Variants in ZNF521 observed in about 807,000 individuals in gnomAD.
ZNF521 encodes the protein zinc finger protein 521.
Under a neutral mutation model 105.5 loss-of-function variants are expected in ZNF521, and 14 were observed. That is an observed-to-expected ratio of 0.13 (90% confidence interval 0.09 to 0.21). The LOEUF is 0.21. Ranked by LOEUF, ZNF521 falls within the 10% of genes least tolerant of loss-of-function variation. The probability of loss-of-function intolerance (pLI) is 1.00; values close to 1 mark genes in which losing one functional copy is unlikely to be tolerated. For missense variants in ZNF521, 1,233 were observed against 1,629.7 expected (o/e 0.76, Z 4.19); for synonymous variants, 635 against 606.0 (o/e 1.05, Z -0.70).
At chr18:25,317,897 G>T (rs988010589) in intron 3 of ZNF521, among the ~76,000 whole-genome samples, 1 of 152,088 alleles carries the variant, frequency 6.6e-6, no homozygotes, top group Non-Finnish European at 1.5e-5. Flanking sequence ...TTGAAAAAGG[G>T]TTTGGAAGTT....
chr18:25,128,950 A>G (rs1325172592), intron 5 of ZNF521, among the ~76,000 whole-genome samples: 1 of 152,018 alleles, frequency 6.6e-6, no homozygotes, highest in African/African-American at 2.4e-5. Flanking sequence ...ATTGACAAAA[A>G]GATTCTATAG....
In ZNF521 at chr18:25,225,802, C is replaced by A. The variant is rs763699539; in HGVS notation, c.2116G>T (p.Val706Leu). The A allele has an allele frequency of 6.2e-7, 1 of 1,614,110 alleles. No homozygotes were observed. The highest frequency in any genetic ancestry group is 1.3e-5 in the African/African-American group (1 of 74,934). Residue 706 changes from valine (V) to leucine (L), a missense_variant, in exon 4 of 8, where the codon GTG (valine) becomes TTG (leucine). Coordinates refer to ENST00000361524, the MANE Select transcript of ZNF521 (RefSeq NM_015461.3). The surrounding 1 kb of genome is among the most constrained non-coding windows in gnomAD (Gnocchi z 5.6). Reference sequence around the variant, plus strand: ...AGCAGGTGTTTCTGAAGGTCATCCACTGATGTGAATTGCTTGTCACAACTC... The same window carrying A: ...AGCAGGTGTTTCTGAAGGTCATCCAATGATGTGAATTGCTTGTCACAACTC... The part of the protein sequence containing the change: ...CESCDKQFTS[V>L]DDLQKHLLDM...
chr18:25,107,743 G>A (rs182144219), intron 5 of ZNF521, among the ~76,000 whole-genome samples: 275 of 152,288 alleles, frequency 1.8e-3, no homozygotes, highest in Admixed American at 3.4e-3. Flanking sequence ...AAACTGATCT[G>A]CCTGCAAGCA....
intron 3 of ZNF521, among the ~76,000 whole-genome samples, chr18:25,292,642 C>T (rs1467823106): frequency 2.0e-5 from 3 of 152,062 alleles, no homozygotes; most frequent in Non-Finnish European, 4.4e-5. Flanking sequence ...TAGTGGAAAG[C>T]AAAACGTTAT....
chr18:25,310,268 A>C (rs1046983133), intron 3 of ZNF521, among the ~76,000 whole-genome samples: 3 of 152,190 alleles, frequency 2.0e-5, no homozygotes, highest in Non-Finnish European at 4.4e-5. Context: ...GTACATGCCT[A>C]CTATACACAT....
intron 3 of ZNF521, among the ~76,000 whole-genome samples, chr18:25,319,450 G>T (rs144983458): frequency 6.6e-6 from 1 of 152,060 alleles, no homozygotes; most frequent in South Asian, 2.1e-4. Context: ...CAAAAAGTTA[G>T]CTGGGCATGG....
chr18:25,179,164 T>G (rs71368640), intron 5 of ZNF521, among the ~76,000 whole-genome samples: 2 of 121,876 alleles, frequency 1.6e-5, no homozygotes, highest in South Asian at 3.1e-4. Flanking sequence ...TTTTTGGTGG[T>G]GGTGGCAGGG....
chr18:25,186,507 A>G (rs2035724185), intron 5 of ZNF521, among the ~76,000 whole-genome samples: 1 of 152,222 alleles, frequency 6.6e-6, no homozygotes, highest in South Asian at 2.1e-4. Flanking sequence ...GCTTGAATTA[A>G]TTCTTTACAG....
rs897395081 is a variant in ZNF521, at chr18:25,268,148, A to G, written c.221-40451T>C. 2.0e-5 allele frequency among the ~76,000 whole-genome samples: 3 copies of G among 152,358 alleles called. No individual in the cohort carries two copies. The East Asian group carries it at 5.8e-4, about 29-fold the overall frequency. The stretch of plus-strand genomic sequence containing the variant: ...CTTCCTGCAGCATGTACAAGTATCA[A>G]TAGCCAACTTGATTAAGCAGAGGAA... On this transcript the variant is annotated intron_variant, in intron 3 of 7. Coordinates refer to ENST00000361524, the MANE Select transcript of ZNF521 (RefSeq NM_015461.3).
At position 25,225,467 on chromosome 18, in the gene ZNF521, G is replaced by A; in HGVS notation, c.2451C>T (p.Ala817=). ...TTTCTAACAAAATGATCGCATGGAA[G>A]GCTTTGCTACAGAACTTGCAGTTGT... is the stretch of plus-strand genomic sequence containing the variant. ...KKYNCKFCSK[A]FHAIILLEKH... Residue 817 remains alanine (A), a synonymous_variant, in exon 4 of 8, where the codon GCC becomes GCT. Coordinates refer to ENST00000361524, the MANE Select transcript of ZNF521 (RefSeq NM_015461.3). This position sits in a 1 kb window ranked among gnomAD's most constrained non-coding sequence, Gnocchi z 5.6. The A allele has an allele frequency of 6.2e-7, 1 of 1,614,194 alleles. No homozygotes were observed. The highest frequency in any genetic ancestry group is 1.1e-5 in the South Asian group (1 of 91,088).
At chr18:25,254,375 A>G (rs935869624) in intron 3 of ZNF521, among the ~76,000 whole-genome samples, 2 of 152,166 alleles carry the variant, frequency 1.3e-5, no homozygotes, top group African/African-American at 4.8e-5. Context: ...GGTAGAAAAA[A>G]TGTTCCCTAG....
chr18:25,244,870 C>T (rs371914862), intron 3 of ZNF521, among the ~76,000 whole-genome samples: 3 of 152,176 alleles, frequency 2.0e-5, no homozygotes, highest in African/African-American at 7.2e-5. Flanking sequence ...ATTCTGTGGC[C>T]CTGTTCTACC....
chr18:25,119,165 T>C (rs1329398345), intron 5 of ZNF521, among the ~76,000 whole-genome samples: 1 of 152,152 alleles, frequency 6.6e-6, no homozygotes, highest in African/African-American at 2.4e-5. Context: ...ATTATGGATA[T>C]TTGAACGTCT....
At chr18:25,089,034 C>T (rs891838178) in intron 7 of ZNF521, among the ~76,000 whole-genome samples, 3 of 152,180 alleles carry the variant, frequency 2.0e-5, no homozygotes, top group Admixed American at 1.3e-4. Context: ...GACAAGAGTA[C>T]GATTTCTTTC....
At chr18:25,239,193 T>C (rs1600197301) in intron 3 of ZNF521, among the ~76,000 whole-genome samples, 4 of 152,328 alleles carry the variant, frequency 2.6e-5, no homozygotes, top group Admixed American at 2.6e-4. Context: ...TAGGACTCCA[T>C]ATTTCAAATC....
At chr18:25,208,901 T>C (rs2036128622) in intron 4 of ZNF521, among the ~76,000 whole-genome samples, 1 of 152,208 alleles carries the variant, frequency 6.6e-6, no homozygotes, top group Non-Finnish European at 1.5e-5. Flanking sequence ...TTGCTTGGAC[T>C]GTATCAATAG....
At position 25,063,030 on chromosome 18, in the gene ZNF521, C is replaced by G. The variant is rs138058454; in HGVS notation, c.3907-289G>C. On this transcript the variant is annotated intron_variant, in intron 7 of 7. Coordinates refer to ENST00000361524, the MANE Select transcript of ZNF521 (RefSeq NM_015461.3). ...TGGAAGGAGAGGCCAGGGCAGAAGCCTCCTTAATGTGAGATGGCTGGCTGG... is the reference window on the plus strand; with the variant it reads ...TGGAAGGAGAGGCCAGGGCAGAAGCGTCCTTAATGTGAGATGGCTGGCTGG... 3.9e-3 allele frequency among the ~76,000 whole-genome samples: 593 copies of G among 152,280 alleles called. 3 individuals are homozygous for G. The highest frequency in any genetic ancestry group is 0.013 in the African/African-American group (551 of 41,568).
chr18:25,132,240 C>A (rs2034653989), intron 5 of ZNF521, among the ~76,000 whole-genome samples: 1 of 152,188 alleles, frequency 6.6e-6, no homozygotes, highest in Non-Finnish European at 1.5e-5. Flanking sequence ...TGCTCCTCAA[C>A]AAAGAATCCT....
chr18:25,278,500 A>G (rs1443480065), intron 3 of ZNF521, among the ~76,000 whole-genome samples: 1 of 152,188 alleles, frequency 6.6e-6, no homozygotes. Context: ...TGCCTCGAAC[A>G]GCCGCCACTC....
Sources: allele counts gnomAD v4.1 joint callset (sites outside exome capture counted in the v4.1 genomes callset), GRCh38; gene constraint gnomAD v4.1.1; non-coding constraint Gnocchi (gnomAD v3.1); transcripts MANE v1.5; gene names NCBI Gene and HGNC (gene_info 2026-07-23, HGNC 2026-07-21).